The following ADAM10 variants were observed in gnomAD, a reference collection of about 807,000 sequenced individuals.
The protein encoded by ADAM10 is disintegrin and metalloproteinase domain-containing protein 10.
In ADAM10, 17 loss-of-function variants were observed where a neutral mutation model predicts 90.1. The observed-to-expected ratio is 0.19, with a 90% confidence interval of 0.13 to 0.28. The LOEUF (loss-of-function observed/expected upper bound fraction) is 0.28. Among genes scored for constraint, ADAM10 ranks in the 10% least tolerant of loss-of-function variants. The pLI is 1.00. For missense variants in ADAM10, 610 were observed against 914.3 expected (o/e 0.67, Z 4.29); for synonymous variants, 310 against 298.6 (o/e 1.04, Z -0.40).
Position 58,595,938 on chromosome 15 carries a change from C to T in ADAM10, c.*1609G>A, listed in dbSNP as rs1439987094. 2 of 152,040 alleles carry T rather than the reference C, an allele frequency of 1.3e-5. No individual in the cohort carries two copies. The highest frequency in any genetic ancestry group is 2.4e-5 in the African/African-American group (1 of 41,408). The allele number at this position is 152,040 out of a possible 1,614,324, so 9.4% of individuals were successfully genotyped here. On this transcript the variant is annotated 3_prime_UTR_variant, in exon 16 of 16. Coordinates refer to ENST00000260408, the MANE Select transcript of ADAM10 (RefSeq NM_001110.4). ...GGGGTTTCATGTACAAAATTTGTCT[C>T]TAAATCATGTACAAAAAGCTGTATT... is the stretch of plus-strand genomic sequence containing the variant.
At chr15:58,685,466 T>C (rs1897564369) in intron 2 of ADAM10, among the ~76,000 whole-genome samples, 2 of 125,898 alleles carry the variant, frequency 1.6e-5, no homozygotes, top group Admixed American at 1.6e-4. Flanking sequence ...CCATCTCCAA[T>C]AAATAAATAA....
chr15:58,591,123 G>A lies in ADAM10; in HGVS notation c.*6424C>T, dbSNP rs1034570278. On this transcript the variant is annotated 3_prime_UTR_variant, in exon 16 of 16. Coordinates refer to ENST00000260408, the MANE Select transcript of ADAM10 (RefSeq NM_001110.4). ...AGAGAACAAATATTTTACTTAAGTA[G>A]TTAGCTAAGCCCTTCAACAGTGAGA... 2.0e-5 allele frequency: 3 copies of A among 149,794 alleles called. No homozygotes were observed. Among genetic ancestry groups the A allele is most frequent in the Non-Finnish European group, 4.4e-5 (3 of 67,938 alleles). The allele number at this position is 149,794 out of a possible 1,614,324, so 9.3% of individuals were successfully genotyped here. A position where few individuals can be genotyped will look rare whatever the true frequency, so the allele number is the denominator to read the frequency against.
At chr15:58,749,452 G>A in intron 1 of ADAM10, 28 bp downstream of exon 1, 1 of 1,522,368 alleles carries the variant, frequency 6.6e-7, no homozygotes, top group Non-Finnish European at 8.8e-7. Context: ...TGGTCGCGGC[G>A]CCCCCGGCGC....
chr15:58,712,779 TC>T (rs141524770), intron 2 of ADAM10, among the ~76,000 whole-genome samples: 1 of 151,004 alleles, frequency 6.6e-6, no homozygotes, highest in African/African-American at 2.4e-5. Flanking sequence ...TAAGCCAAGT[TC>T]CCCCCACTGC....
At chr15:58,629,589 C>G (rs1300926962) in intron 9 of ADAM10, 1 of 151,742 alleles carries the variant, frequency 6.6e-6, no homozygotes, top group Non-Finnish European at 1.5e-5. Context: ...ATCTTTGTGA[C>G]AAGAAAACAG....
At chr15:58,690,618 G>C (rs183051145) in intron 2 of ADAM10, among the ~76,000 whole-genome samples, 1 of 152,316 alleles carries the variant, frequency 6.6e-6, no homozygotes, top group African/African-American at 2.4e-5. Flanking sequence ...CACAAGGACA[G>C]AAGAGAAAAA....
intron 5 of ADAM10, among the ~76,000 whole-genome samples, chr15:58,655,887 C>T (rs1212100823): frequency 6.7e-6 from 1 of 149,578 alleles, no homozygotes; most frequent in East Asian, 2.0e-4. Context: ...GCTGGGATTA[C>T]AGATGCCCAC....
In ADAM10 at chr15:58,707,721, T is replaced by A. The variant is rs537724142; in HGVS notation, c.206+9856A>T. Among the ~76,000 whole-genome samples the A allele has an allele frequency of 3.1e-4, 47 of 152,332 alleles. 2 individuals carry two copies. The highest frequency in any genetic ancestry group is 9.6e-4 in the African/African-American group (40 of 41,566). ...CTACTGAAAAGAAAAAAGTTTTCTA[T>A]AAACACTTTCCAACCTCGCACAACT... On this transcript the variant is annotated intron_variant, in intron 2 of 15. Transcript: ENST00000260408.
At chr15:58,731,236 T>A (rs1283989680) in intron 1 of ADAM10, among the ~76,000 whole-genome samples, 2 of 152,186 alleles carry the variant, frequency 1.3e-5, no homozygotes, top group Non-Finnish European at 2.9e-5. Flanking sequence ...AAACCTGAAT[T>A]TGCTGTACAC....
chr15:58,642,898 T>A (rs1486983210), intron 7 of ADAM10, among the ~76,000 whole-genome samples: 1 of 152,184 alleles, frequency 6.6e-6, no homozygotes, highest in Admixed American at 6.5e-5. Flanking sequence ...AAATCCAATT[T>A]AAGATTTAAT....
chr15:58,612,603 C>A (rs1419969330), intron 11 of ADAM10, among the ~76,000 whole-genome samples: 1 of 152,134 alleles, frequency 6.6e-6, no homozygotes, highest in Non-Finnish European at 1.5e-5. Flanking sequence ...ACCACCAAGC[C>A]CCACCATCCC....
At chr15:58,679,061 C>G (rs1279841959) in intron 4 of ADAM10, 63 bp downstream of exon 4, 1 of 1,482,186 alleles carries the variant, frequency 6.7e-7, no homozygotes, top group African/African-American at 1.4e-5. Flanking sequence ...CATTTGTCTC[C>G]ACACAGTTTT....
At chr15:58,656,903 T>A (rs1434564581) in intron 5 of ADAM10, among the ~76,000 whole-genome samples, 1 of 152,226 alleles carries the variant, frequency 6.6e-6, no homozygotes, top group African/African-American at 2.4e-5. Context: ...TCCATCTGTT[T>A]TTGTTTCTCT....
chr15:58,682,768 A>C (rs1897474573), intron 2 of ADAM10, among the ~76,000 whole-genome samples: 2 of 152,144 alleles, frequency 1.3e-5, no homozygotes, highest in Non-Finnish European at 2.9e-5. Context: ...GGTATTTAAC[A>C]TCTCTTCTCA....
chr15:58,649,204 G>C (rs140832088), intron 5 of ADAM10, among the ~76,000 whole-genome samples: 8 of 151,922 alleles, frequency 5.3e-5, no homozygotes, highest in African/African-American at 1.7e-4. Context: ...CCATTAGCTT[G>C]TTAGTTATAT....
intron 14 of ADAM10, chr15:58,609,925 T>C (rs1456935573): frequency 5.4e-5 from 14 of 259,044 alleles, no homozygotes; most frequent in Non-Finnish European, 1.1e-4. Flanking sequence ...TCAGGAAAAA[T>C]CACCAATTAG....
rs116553128 is a variant in ADAM10, at chr15:58,648,016, T to C, written c.586-1812A>G. On this transcript the variant is annotated intron_variant, in intron 5 of 15. Transcript: ENST00000260408. The stretch of plus-strand genomic sequence containing the variant: ...TTCTTCCTTGACATTTCCTTCTCCC[T>C]TAATAATTCCATGTGAACATACACA... 8.3e-3 allele frequency among the ~76,000 whole-genome samples: 1,262 copies of C among 152,320 alleles called. 17 individuals carry two copies. The highest frequency in any genetic ancestry group is 0.029 in the African/African-American group (1,200 of 41,574).
At chr15:58,749,378 G>C in intron 1 of ADAM10, 102 bp downstream of exon 1, 1 of 1,255,444 alleles carries the variant, frequency 8.0e-7, no homozygotes, top group Non-Finnish European at 1.0e-6. Flanking sequence ...GGCCGGCTGG[G>C]CTGACTGACG....
At chr15:58,749,157 G>C (rs1199926432) in intron 1 of ADAM10, 1 of 399,538 alleles carries the variant, frequency 2.5e-6, no homozygotes, top group East Asian at 3.6e-5. Context: ...CACCAGCCTG[G>C]GTTCCACCGC....
Sources: allele counts gnomAD v4.1 joint callset (sites outside exome capture counted in the v4.1 genomes callset), GRCh38; gene constraint gnomAD v4.1.1; transcripts MANE v1.5; gene names NCBI Gene and HGNC (gene_info 2026-07-23, HGNC 2026-07-21).